IL1RAPL2: variants seen among roughly 807,000 people sequenced by gnomAD.
IL1RAPL2 encodes the protein interleukin 1 receptor accessory protein like 2.
Under a neutral mutation model 44.1 loss-of-function variants are expected in IL1RAPL2, and 3 were observed. The observed-to-expected ratio is 0.07, with a 90% CI of 0.03 to 0.18. The LOEUF (loss-of-function observed/expected upper bound fraction) is 0.18, where lower values mean the gene tolerates loss of function less well. IL1RAPL2 is among the 10% of genes least tolerant of loss of function. The probability of loss-of-function intolerance (pLI) is 1.00; values close to 1 mark genes in which losing one functional copy is unlikely to be tolerated. For missense variants in IL1RAPL2, 391 were observed against 496.4 expected (o/e 0.79, Z 2.02); for synonymous variants, 181 against 178.8 (o/e 1.01, Z -0.10).
chrX:105,669,021 G>A (rs1379296880), intron 6 of IL1RAPL2, among the ~76,000 whole-genome samples: 1 of 111,392 alleles, frequency 9.0e-6, no homozygotes, highest in Non-Finnish European at 1.9e-5. Flanking sequence ...AACAGTCTGT[G>A]GGGTTAAAGA....
At chrX:105,333,742 A>G (rs930146105) in intron 5 of IL1RAPL2, among the ~76,000 whole-genome samples, 4 of 112,234 alleles carry the variant, frequency 3.6e-5, no homozygotes, top group African/African-American at 6.5e-5. Flanking sequence ...AGACATACAA[A>G]TGGGAAACAG....
chrX:105,233,881 G>T lies in IL1RAPL2; in HGVS notation c.420G>T (p.Leu140=). Residue 140 remains leucine, a synonymous_variant, in exon 4 of 11, where the codon CTG becomes CTT. Transcript: ENST00000372582. The stretch of plus-strand genomic sequence containing the variant: ...CTGTTGCAGAGAATGAATCAGGCCT[G>T]TGCTACAACAGCAGGATCCGCTATT... The part of the protein sequence containing the change: ...SLTVAENESG[L]CYNSRIRYLE... The T allele has an allele frequency of 8.3e-7, 1 of 1,209,712 alleles. No homozygotes were observed. Among genetic ancestry groups the T allele is most frequent in the South Asian group, 1.8e-5 (1 of 56,941 alleles).
At chrX:105,353,363 G>A (rs1216296082) in intron 5 of IL1RAPL2, among the ~76,000 whole-genome samples, 1 of 111,559 alleles carries the variant, frequency 9.0e-6, no homozygotes, top group African/African-American at 3.3e-5. Flanking sequence ...GTCAGGTAGT[G>A]TGATGCCTCC....
intron 2 of IL1RAPL2, among the ~76,000 whole-genome samples, chrX:104,860,165 G>C (rs1386565419): frequency 9.0e-6 from 1 of 111,531 alleles, no homozygotes; most frequent in African/African-American, 3.3e-5. Flanking sequence ...TTAGCCTATG[G>C]AGCTGACCCA....
At chrX:104,673,517 G>T (rs1402557011) in intron 2 of IL1RAPL2, among the ~76,000 whole-genome samples, 1 of 111,130 alleles carries the variant, frequency 9.0e-6, no homozygotes, top group Non-Finnish European at 1.9e-5. Flanking sequence ...AGTATAGTTT[G>T]AAGTCAGGTA....
rs778461702 is a variant in IL1RAPL2, at chrX:105,507,985, CT to C, written c.772+23599del. Among the ~76,000 whole-genome samples, 247 of 111,118 alleles carry C rather than the reference CT, an allele frequency of 2.2e-3. 1 individual carries two copies. Among genetic ancestry groups the C allele is most frequent in the African/African-American group, 7.7e-3 (237 of 30,635 alleles). On this transcript the variant is annotated intron_variant, in intron 6 of 10. Coordinates refer to ENST00000372582, the MANE Select transcript of IL1RAPL2 (RefSeq NM_017416.2). Reference sequence around the variant, plus strand: ...ACAGCTTTAGCGAAGGAGAAAATCCCTAATGAGATCCCCATCCTATTAGGCC... The same window carrying C: ...ACAGCTTTAGCGAAGGAGAAAATCCCAATGAGATCCCCATCCTATTAGGCC...
rs782050824 is a variant in IL1RAPL2 at position 105,186,033 on chromosome X, T to G, written c.83-9442T>G. On this transcript the variant is annotated intron_variant, in intron 2 of 10. Transcript: ENST00000372582. ...AATATAACAACTATTTACATTGTAT[T>G]AGGTATTATAAATACTCTAGAGATA... 5.3e-4 allele frequency among the ~76,000 whole-genome samples: 60 copies of G among 112,200 alleles called. 1 individual carries two copies. Among genetic ancestry groups the G allele is most frequent in the Non-Finnish European group, 9.8e-4 (52 of 53,258 alleles).
At chrX:105,114,128 T>A (rs1363953157) in intron 2 of IL1RAPL2, among the ~76,000 whole-genome samples, 1 of 111,361 alleles carries the variant, frequency 9.0e-6, no homozygotes, top group East Asian at 2.8e-4. Flanking sequence ...GGTGATTAGG[T>A]CATAAGGGCT....
intron 2 of IL1RAPL2, among the ~76,000 whole-genome samples, chrX:104,923,630 G>A (rs186908347): frequency 6.7e-4 from 75 of 111,471 alleles, no homozygotes; most frequent in Non-Finnish European, 9.4e-4. Flanking sequence ...CACTAGACTG[G>A]TCCTACAAGA....
At chrX:104,896,270 C>G (rs1923643943) in intron 2 of IL1RAPL2, among the ~76,000 whole-genome samples, 2 of 111,834 alleles carry the variant, frequency 1.8e-5, no homozygotes, top group South Asian at 7.5e-4. Flanking sequence ...GGCCGTCAAG[C>G]TACAGATGGT....
At chrX:105,535,162 TAAG>T (rs2036668641) in intron 6 of IL1RAPL2, among the ~76,000 whole-genome samples, 1 of 111,641 alleles carries the variant, frequency 9.0e-6, no homozygotes, top group Admixed American at 9.5e-5. Context: ...AATTCAACAA[TAAG>T]AAAACGACAT....
chrX:105,469,164 T>G (rs2036149861), intron 5 of IL1RAPL2, among the ~76,000 whole-genome samples: 1 of 111,618 alleles, frequency 9.0e-6, no homozygotes, highest in Non-Finnish European at 1.9e-5. Context: ...TTCAGTTTAT[T>G]GTACCATATC....
rs933354226 is a variant in IL1RAPL2 at position 105,424,717 on chromosome X, T to G, written c.698-59596T>G. On this transcript the variant is annotated intron_variant, in intron 5 of 10. Transcript: ENST00000372582. ...GTGAGTGGAGATCATTCCATTGCACTCCAGCCTGGGTGACAAGAGTGAAAC... is the reference window on the plus strand; with the variant it reads ...GTGAGTGGAGATCATTCCATTGCACGCCAGCCTGGGTGACAAGAGTGAAAC... 1.1e-3 allele frequency among the ~76,000 whole-genome samples: 123 copies of G among 107,958 alleles called. 1 individual carries two copies. The highest frequency in any genetic ancestry group is 5.6e-4 in the Non-Finnish European group (29 of 52,042). The allele number at this position is 107,958 out of a possible 115,157, so 93.7% of individuals were successfully genotyped here. A position where few individuals can be genotyped will look rare whatever the true frequency, so the allele number is the denominator to read the frequency against.
chrX:105,137,792 G>A (rs1602972781), intron 2 of IL1RAPL2, among the ~76,000 whole-genome samples: 1 of 112,280 alleles, frequency 8.9e-6, no homozygotes, highest in Admixed American at 9.4e-5. Flanking sequence ...TAGGCCAGGT[G>A]TGGTGGTTCA....
At chrX:105,207,688 G>C (rs1475717739) in intron 3 of IL1RAPL2, among the ~76,000 whole-genome samples, 1 of 111,548 alleles carries the variant, frequency 9.0e-6, no homozygotes, top group Non-Finnish European at 1.9e-5. Flanking sequence ...TAAACTAGCA[G>C]TGCTTCTTGC....
chrX:105,178,449 C>T (rs2036615790), intron 2 of IL1RAPL2, among the ~76,000 whole-genome samples: 1 of 112,100 alleles, frequency 8.9e-6, no homozygotes, highest in Non-Finnish European at 1.9e-5. Flanking sequence ...ATGCAAGTAT[C>T]CCTTTAATAT....
chrX:104,875,204 G>GT (rs1922870671), intron 2 of IL1RAPL2, among the ~76,000 whole-genome samples: 1 of 111,267 alleles, frequency 9.0e-6, no homozygotes, highest in African/African-American at 3.3e-5. Flanking sequence ...ACTTCTTTTT[G>GT]TTTCTTCTTG....
intron 6 of IL1RAPL2, among the ~76,000 whole-genome samples, chrX:105,648,354 C>A (rs943023160): frequency 9.0e-6 from 1 of 111,665 alleles, no homozygotes; most frequent in African/African-American, 3.3e-5. Flanking sequence ...CTGCCTGTGG[C>A]TTAACTTGCT....
At chrX:105,626,776 C>T (rs1265366781) in intron 6 of IL1RAPL2, among the ~76,000 whole-genome samples, 1 of 111,308 alleles carries the variant, frequency 9.0e-6, no homozygotes, top group African/African-American at 3.3e-5. Context: ...GAAAAGTTAT[C>T]CAAGCTAGTC....
Sources: gnomAD v4.1 joint callset for allele counts (sites outside exome capture counted in the v4.1 genomes callset) on GRCh38, gnomAD v4.1.1 for gene constraint, MANE v1.5 for transcripts, NCBI Gene and HGNC (gene_info 2026-07-23, HGNC 2026-07-21) for gene names.